The following INO80 variants were observed in gnomAD, a reference collection of about 807,000 sequenced individuals.
INO80 encodes the protein INO80 complex ATPase subunit.
In INO80, 20 loss-of-function variants were observed where a neutral mutation model predicts 203.4. That is an observed-to-expected ratio of 0.10 (90% confidence interval 0.07 to 0.14). The LOEUF (loss-of-function observed/expected upper bound fraction) is 0.14. Ranked by LOEUF, INO80 falls within the 10% of genes least tolerant of loss-of-function variation. The pLI is 1.00. For missense variants in INO80, 1,419 were observed against 1,914.4 expected, an observed-to-expected ratio of 0.74 and a Z score of 4.83; for synonymous variants, 726 against 685.2, an observed-to-expected ratio of 1.06 and a Z score of -0.93.
intron 9 of INO80, among the ~76,000 whole-genome samples, chr15:41,077,097 C>T (rs546166737): frequency 2.6e-5 from 4 of 151,974 alleles, no homozygotes; most frequent in South Asian, 4.1e-4. Context: ...TTAGTAAAGA[C>T]GGGGTTTCAC....
chr15:41,038,305 C>T (rs749657348), intron 24 of INO80, among the ~76,000 whole-genome samples: 43 of 152,034 alleles, frequency 2.8e-4, no homozygotes, highest in Non-Finnish European at 5.0e-4. Context: ...CTACTGCACC[C>T]GACATCTTCC....
rs780315381 is a variant in INO80 at position 41,050,115 on chromosome 15, A to G, written c.2275-13T>C. On this transcript the variant is annotated splice_polypyrimidine_tract_variant and intron_variant, in intron 19 of 35. Coordinates refer to ENST00000648947, the MANE Select transcript of INO80 (RefSeq NM_017553.3). ...TTAGAATCTCAATCTAAAAATCAAT[A>G]AGAACATTTATATTTGGAAAAGTAG... 1.6e-5 allele frequency: 26 copies of G among 1,582,738 alleles called. 1 individual carries two copies. In the South Asian group the frequency reaches 2.9e-4, roughly 18 times the overall value.
At chr15:41,073,396 A>G in intron 11 of INO80, 32 bp downstream of exon 11, 2 of 1,587,260 alleles carry the variant, frequency 1.3e-6, no homozygotes, top group East Asian at 2.2e-5. Flanking sequence ...TCCAGGGCCA[A>G]TTACAGTAAA....
intron 15 of INO80, among the ~76,000 whole-genome samples, chr15:41,059,258 G>A (rs1049763258): frequency 2.0e-5 from 3 of 150,110 alleles, no homozygotes; most frequent in African/African-American, 4.9e-5. Flanking sequence ...CACCATGCCC[G>A]GCCACTATAA....
At chr15:41,044,874 T>C (rs1199635885) in intron 24 of INO80, 30 bp downstream of exon 24, 2 of 1,564,708 alleles carry the variant, frequency 1.3e-6, no homozygotes, top group African/African-American at 1.4e-5. Context: ...AGATACTAAG[T>C]AGGTAATTTA....
In INO80 at chr15:41,046,054, A is replaced by C. The variant is rs2044752802; in HGVS notation, c.2736-979T>G. Among the ~76,000 whole-genome samples, 3 of 151,542 alleles carry C rather than the reference A, an allele frequency of 2.0e-5. No individual in the cohort carries two copies. The South Asian group carries it at 6.3e-4, about 32-fold the overall frequency. ...CAGGCTATGCTGCAATCACTAACTAAATGAATCACCAGCCTCCGTTTGCCC... is the reference window on the plus strand; with the variant it reads ...CAGGCTATGCTGCAATCACTAACTACATGAATCACCAGCCTCCGTTTGCCC... On this transcript the variant is annotated intron_variant, in intron 23 of 35. Coordinates refer to ENST00000648947, the MANE Select transcript of INO80 (RefSeq NM_017553.3).
intron 20 of INO80, 150 bp from the exon 21 acceptor site, chr15:41,049,570 G>A (rs1316492893): frequency 2.6e-6 from 2 of 769,516 alleles, no homozygotes; most frequent in Admixed American, 5.4e-5. Context: ...TGGCATCAAG[G>A]ATAGACTGTT....
chr15:41,095,008 GAT>G (rs2045700429), intron 4 of INO80, among the ~76,000 whole-genome samples: 1 of 147,150 alleles, frequency 6.8e-6, no homozygotes, highest in African/African-American at 2.5e-5. Flanking sequence ...CCATCTCCAA[GAT>G]ATCTCATTTT....
At chr15:41,089,493 T>C (rs1300106998) in intron 5 of INO80, among the ~76,000 whole-genome samples, 1 of 152,192 alleles carries the variant, frequency 6.6e-6, no homozygotes, top group Non-Finnish European at 1.5e-5. Flanking sequence ...GGCTCACCCC[T>C]GTAATCCCAG....
At chr15:41,069,812 T>C (rs1008407371) in intron 13 of INO80, 147 bp from the exon 14 acceptor site, 1 of 595,360 alleles carries the variant, frequency 1.7e-6, no homozygotes, top group Non-Finnish European at 2.9e-6. Flanking sequence ...CATTCAATAG[T>C]AATATCCTAT....
chr15:41,074,517 A>G lies in INO80; in HGVS notation c.1180T>C (p.Leu394=), dbSNP rs1387002834. ...KLNFLITQTE[L]YAHFMSRKRD... is the part of the protein sequence containing the mutation. ...TTGCGACTCATGAAATGGGCATACA[A>G]CTCTGTCTGGGTAATTAAGAAGTTG... The change falls in exon 10 of 36, where the codon TTG becomes CTG. Residue 394 remains leucine, a synonymous_variant. Transcript: ENST00000648947. 5.6e-6 allele frequency: 9 copies of G among 1,613,490 alleles called. No individual in the cohort carries two copies. The highest frequency in any genetic ancestry group is 3.3e-5 in the Admixed American group (2 of 59,926).
chr15:41,017,189 C>CATTT (rs2044223963), intron 26 of INO80: 1 of 151,854 alleles, frequency 6.6e-6, no homozygotes, highest in Admixed American at 6.5e-5. Context: ...ACAAGAAAAG[C>CATTT]ATTTCAGCAA....
At chr15:41,043,498 T>C (rs1238898522) in intron 24 of INO80, among the ~76,000 whole-genome samples, 1 of 152,072 alleles carries the variant, frequency 6.6e-6, no homozygotes, top group Non-Finnish European at 1.5e-5. Context: ...AGTCCAAAAA[T>C]TACATGAAGC....
At chr15:40,983,615 C>T (rs1211307684) in intron 34 of INO80, 147 bp downstream of exon 34, 3 of 707,698 alleles carry the variant, frequency 4.2e-6, no homozygotes, top group South Asian at 2.3e-5. Flanking sequence ...TTTTGCTTTC[C>T]CTAAACCTCG....
At chr15:41,093,049 A>C (rs936302665) in intron 4 of INO80, among the ~76,000 whole-genome samples, 3 of 152,170 alleles carry the variant, frequency 2.0e-5, no homozygotes, top group Non-Finnish European at 4.4e-5. Flanking sequence ...AAAGAAAACA[A>C]AAACAAAAAT....
At chr15:41,046,204 TAC>T (rs1329890224) in intron 23 of INO80, among the ~76,000 whole-genome samples, 1,697 of 4,266 alleles carry the variant, frequency 0.4, 94 homozygotes, top group Middle Eastern at 0.75. Flanking sequence ...TGCGTATACA[TAC>T]ATATATATAT....
chr15:41,092,168 A>C lies in INO80; in HGVS notation c.396T>G (p.Ser132Arg), dbSNP rs1480504645. The C allele has an allele frequency of 1.9e-6, 3 of 1,600,070 alleles. No homozygotes were observed. Among genetic ancestry groups the C allele is most frequent in the Non-Finnish European group, 2.6e-6 (3 of 1,168,710 alleles). Residue 132 changes from serine (S) to arginine (R), a missense_variant, in exon 5 of 36, where the codon AGT becomes AGG. Coordinates refer to ENST00000648947, the MANE Select transcript of INO80 (RefSeq NM_017553.3). ...SRKWLKSILLSDESSEADSQS... is the reference protein window; with the variant it reads ...SRKWLKSILLRDESSEADSQS... ...GAGAATCAGCCTCGCTGGATTCATC[A>C]CTTAGCAGAATGCTCTGAAAAGGGT...
At chr15:41,104,206 C>CAAAAAAAAAAAAAAAAAAAA (rs35510472) in intron 1 of INO80, among the ~76,000 whole-genome samples, 1 of 41,518 alleles carries the variant, frequency 2.4e-5, no homozygotes. Context: ...AACTCCATCT[C>CAAAAAAAAAAAAAAAAAAAA]AAAAAAAAAA....
At chr15:41,075,393 TC>T (rs1233491517) in intron 9 of INO80, among the ~76,000 whole-genome samples, 1 of 151,894 alleles carries the variant, frequency 6.6e-6, no homozygotes, top group African/African-American at 2.4e-5. Context: ...TGCCTTGCTC[TC>T]CCAAGTAGCT....
Sources: allele counts gnomAD v4.1 joint callset (sites outside exome capture counted in the v4.1 genomes callset), GRCh38; gene constraint gnomAD v4.1.1; transcripts MANE v1.5; gene names NCBI Gene and HGNC (gene_info 2026-07-23, HGNC 2026-07-21).